Variants in CHI3L2 observed in about 807,000 individuals in gnomAD.
CHI3L2 encodes the protein chitinase-3-like protein 2.
A neutral mutation model predicts 47.3 loss-of-function variants in CHI3L2; 47 were observed. The ratio of observed to expected loss-of-function variants is 0.99; its 90% CI spans 0.79 to 1.27. CHI3L2 has a LOEUF of 1.27. CHI3L2 is among the 50% of genes most tolerant of loss of function. CHI3L2 has a pLI of 0.00. For missense variants in CHI3L2, 497 were observed against 462.1 expected (o/e 1.08, Z -0.69); for synonymous variants, 198 against 169.9 (o/e 1.17, Z -1.28).
chr1:111,237,238 G>A (rs867019315), intron 7 of CHI3L2, among the ~76,000 whole-genome samples: 3 of 152,180 alleles, frequency 2.0e-5, no homozygotes, highest in Non-Finnish European at 4.4e-5. Context: ...TCTAAAAAGG[G>A]CTGTTAATCA....
intron 4 of CHI3L2, among the ~76,000 whole-genome samples, chr1:111,234,110 A>G (rs1310616079): frequency 1.3e-5 from 2 of 149,952 alleles, no homozygotes; most frequent in African/African-American, 2.4e-5. Flanking sequence ...TCACTTGTTT[A>G]TCTGCTGACC....
intron 7 of CHI3L2, among the ~76,000 whole-genome samples, chr1:111,237,863 A>G (rs1659929541): frequency 1.3e-5 from 2 of 152,232 alleles, no homozygotes; most frequent in African/African-American, 4.8e-5. Context: ...ACATCAATAC[A>G]GAGACCTTAA....
intron 4 of CHI3L2, among the ~76,000 whole-genome samples, chr1:111,231,640 A>G (rs1659726719): frequency 1.3e-5 from 2 of 152,226 alleles, no homozygotes; most frequent in South Asian, 4.1e-4. Context: ...TTTAAAAATC[A>G]CTTGAGGGTT....
In CHI3L2 at chr1:111,234,962, A is replaced by C; in HGVS notation, c.385A>C (p.Ile129Leu). The C allele has an allele frequency of 1.9e-6, 3 of 1,614,134 alleles. No individual in the cohort carries two copies. The highest frequency in any genetic ancestry group is 2.5e-6 in the Non-Finnish European group (3 of 1,179,998). Reference protein sequence around the residue: ...TSRLEFINSIILFLRNHNFDG... With the variant: ...TSRLEFINSILLFLRNHNFDG... Reference sequence around the variant, plus strand: ...ACGCTTGGAATTCATTAACTCCATAATCCTGTTTCTGAGGAACCATAACTT... The same window carrying C: ...ACGCTTGGAATTCATTAACTCCATACTCCTGTTTCTGAGGAACCATAACTT... The change falls in exon 5 of 11, where the codon ATC becomes CTC. Residue 129 changes from isoleucine (I) to leucine (L), a missense_variant. Coordinates refer to ENST00000369748, the MANE Select transcript of CHI3L2 (RefSeq NM_004000.3).
chr1:111,229,874 C>A lies in CHI3L2; in HGVS notation c.63C>A (p.Leu21=), dbSNP rs1659660495. ...CAGGTGTAGTGGTCTTGCTGCTTCT[C>A]CAGGGAGGTAAGTAGTCAATAAGTC... is the stretch of plus-strand genomic sequence containing the variant. ...LWAGVVVLLL[L]QGGSAYKLVC... is the part of the protein sequence containing the mutation. The change falls in exon 2 of 11, where the codon CTC becomes CTA. Residue 21 remains leucine (L), a synonymous_variant. Coordinates refer to ENST00000369748, the MANE Select transcript of CHI3L2 (RefSeq NM_004000.3). The A allele has an allele frequency of 6.2e-7, 1 of 1,613,668 alleles. No individual in the cohort carries two copies. Among genetic ancestry groups the A allele is most frequent in the African/African-American group, 1.3e-5 (1 of 74,798 alleles).
intron 1 of CHI3L2, 22 bp from the exon 2 acceptor site, chr1:111,229,830 T>A: frequency 6.2e-7 from 1 of 1,613,734 alleles, no homozygotes; most frequent in Non-Finnish European, 8.5e-7. Context: ...AACAGATTTC[T>A]CTTTCCACCC....
At chr1:111,229,782 A>G in intron 1 of CHI3L2, 70 bp from the exon 2 acceptor site, 2 of 1,606,000 alleles carry the variant, frequency 1.2e-6, no homozygotes, top group East Asian at 2.2e-5. Flanking sequence ...CCACATTTTC[A>G]CTGCCATTAT....
chr1:111,235,378 A>T (rs1659848749), intron 5 of CHI3L2, among the ~76,000 whole-genome samples: 1 of 152,224 alleles, frequency 6.6e-6, no homozygotes, highest in African/African-American at 2.4e-5. Flanking sequence ...CTCACAGAAG[A>T]TCTATCAGAT....
In CHI3L2 at chr1:111,241,438, A is replaced by C; in HGVS notation, c.1030A>C (p.Thr344Pro). 1.3e-6 allele frequency: 2 copies of C among 1,559,134 alleles called. No homozygotes were observed. Among genetic ancestry groups the C allele is most frequent in the Non-Finnish European group, 1.8e-6 (2 of 1,129,814 alleles). The stretch of plus-strand genomic sequence containing the variant: ...CTATGATGATGTGAAGAGTATGGAG[A>C]CCAAGGTAGGTGGGCCACAGGCAGA... Reference protein sequence around the residue: ...VGYDDVKSMETKVQFLKNLNL... With the variant: ...VGYDDVKSMEPKVQFLKNLNL... Residue 344 changes from threonine (T) to proline (P), a missense_variant, in exon 9 of 11, where the codon ACC becomes CCC. Coordinates refer to ENST00000369748, the MANE Select transcript of CHI3L2 (RefSeq NM_004000.3).
chr1:111,227,742 A>G lies in CHI3L2; in HGVS notation c.13A>G (p.Thr5Ala). The G allele has an allele frequency of 6.2e-7, 1 of 1,614,202 alleles. No individual in the cohort carries two copies. Among genetic ancestry groups the G allele is most frequent in the Non-Finnish European group, 8.5e-7 (1 of 1,180,026 alleles). ...GCTGGCCAAGGATATGGGAGCAACC[A>G]CCATGGACCAGAAGTCTCTCTGGGC... is the stretch of plus-strand genomic sequence containing the variant. MGAT[T>A]MDQKSLWAGV... The change falls in exon 1 of 11, where the codon ACC becomes GCC. Residue 5 changes from threonine to alanine, a missense_variant. Thr to Ala is a moderately conservative substitution (Grantham distance 58). Transcript: ENST00000369748.
chr1:111,238,419 A>T (rs541875485), intron 7 of CHI3L2, among the ~76,000 whole-genome samples: 1 of 152,208 alleles, frequency 6.6e-6, no homozygotes, highest in South Asian at 2.1e-4. Context: ...TTGTGTAGAC[A>T]AGTTCCACAG....
At chr1:111,242,165 T>C (rs1279977188) in intron 9 of CHI3L2, 62 bp from the exon 10 acceptor site, 2 of 1,606,696 alleles carry the variant, frequency 1.2e-6, no homozygotes, top group Non-Finnish European at 1.7e-6. Flanking sequence ...GAACCTGATA[T>C]GGTCCTGGGC....
At chr1:111,240,191 T>G (rs1660006330) in intron 8 of CHI3L2, among the ~76,000 whole-genome samples, 1 of 152,226 alleles carries the variant, frequency 6.6e-6, no homozygotes, top group Non-Finnish European at 1.5e-5. Flanking sequence ...TGACCTCTCA[T>G]TGTGAGTGTG....
Position 111,241,416 on chromosome 1 carries a change from T to C in CHI3L2, c.1008T>C (p.Tyr336=), listed in dbSNP as rs1233582976. The C allele has an allele frequency of 6.2e-7, 1 of 1,602,936 alleles. No individual in the cohort carries two copies. Among genetic ancestry groups the C allele is most frequent in the Non-Finnish European group, 8.5e-7 (1 of 1,169,790 alleles). ...TCAAGGGGAACCAGTGGGTGGGCTA[T>C]GATGATGTGAAGAGTATGGAGACCA... is the stretch of plus-strand genomic sequence containing the variant. ...YAVKGNQWVG[Y]DDVKSMETKV... The change falls in exon 9 of 11, where the codon TAT becomes TAC. Residue 336 remains tyrosine, a synonymous_variant. Transcript: ENST00000369748.
In CHI3L2 at chr1:111,231,305, A is replaced by G. The variant is rs1557707073; in HGVS notation, c.329+11A>G. 2 of 1,589,450 alleles carry G rather than the reference A, an allele frequency of 1.3e-6. No individual in the cohort carries two copies. Among genetic ancestry groups the G allele is most frequent in the Non-Finnish European group, 8.6e-7 (1 of 1,162,434 alleles). On this transcript the variant is annotated intron_variant, in intron 4 of 10. Coordinates refer to ENST00000369748, the MANE Select transcript of CHI3L2 (RefSeq NM_004000.3). ...GTTTGGTTCCAAAGGGTAAGACTACATCTTTATTTTTTGTTCATTTCCCCA... is the reference window on the plus strand; with the variant it reads ...GTTTGGTTCCAAAGGGTAAGACTACGTCTTTATTTTTTGTTCATTTCCCCA...
At chr1:111,229,609 G>A in intron 1 of CHI3L2, 1 of 401,362 alleles carries the variant, frequency 2.5e-6, no homozygotes, top group Non-Finnish European at 3.6e-6. Flanking sequence ...GTGAACCCGG[G>A]AGGCGGAGCT....
At chr1:111,239,686 T>C (rs150356944) in intron 8 of CHI3L2, among the ~76,000 whole-genome samples, 1 of 152,186 alleles carries the variant, frequency 6.6e-6, no homozygotes. Flanking sequence ...AGATAGATCA[T>C]AGGGATAACA....
chr1:111,233,329 C>T (rs1659780721), intron 4 of CHI3L2, among the ~76,000 whole-genome samples: 1 of 152,096 alleles, frequency 6.6e-6, no homozygotes. Flanking sequence ...CTGGAACTTC[C>T]CTAAATGTTA....
Position 111,231,295 on chromosome 1 carries a change from G to C in CHI3L2, c.329+1G>C, listed in dbSNP as rs1351828468. 6.2e-7 allele frequency: 1 copy of C among 1,602,816 alleles called. No homozygotes were observed. The highest frequency in any genetic ancestry group is 1.1e-5 in the South Asian group (1 of 90,448). The stretch of plus-strand genomic sequence containing the variant: ...GAGGGTACCTGTTTGGTTCCAAAGG[G>C]TAAGACTACATCTTTATTTTTTGTT... On this transcript the variant is annotated splice_donor_variant, in intron 4 of 10. Transcript: ENST00000369748. LOFTEE classifies it high-confidence loss of function.
Sources: allele counts gnomAD v4.1 joint callset (sites outside exome capture counted in the v4.1 genomes callset), GRCh38; gene constraint gnomAD v4.1.1; transcripts MANE v1.5; gene names NCBI Gene and HGNC (gene_info 2026-07-23, HGNC 2026-07-21).